Variants in NDUFA10 observed in about 807,000 individuals in gnomAD.
NDUFA10 encodes NADH dehydrogenase [ubiquinone] 1 alpha subcomplex subunit 10, mitochondrial.
Under a neutral mutation model 47.8 loss-of-function variants are expected in NDUFA10, and 40 were observed. That is an observed-to-expected ratio of 0.84 (90% CI 0.65 to 1.09). NDUFA10 has a LOEUF of 1.09. Among genes scored for constraint, NDUFA10 ranks in the 50% least tolerant of loss-of-function variants. The probability of loss-of-function intolerance (pLI) is 0.00; values close to 1 mark genes in which losing one functional copy is unlikely to be tolerated. For synonymous variants in NDUFA10, 183 were observed against 172.2 expected, an observed-to-expected ratio of 1.06 and a Z score of -0.49; for missense variants, 413 against 451.1, an observed-to-expected ratio of 0.92 and a Z score of 0.76.
chr2:240,014,403 T>C (rs989928809), intron 5 of NDUFA10: 2 of 377,858 alleles, frequency 5.3e-6, no homozygotes, highest in African/African-American at 4.2e-5. Flanking sequence ...AAAAACCTCA[T>C]CAGAGAACAG....
rs1393649236 is a variant in NDUFA10, at chr2:239,945,478, G to A, written c.294+44596C>T. On this transcript the variant is annotated intron_variant, in intron 4 of 5. Transcript: ENST00000419408. The surrounding 1 kb of genome is among the most constrained non-coding windows in gnomAD (Gnocchi z 4.6). ...CGGGGGAAGAGCGGACACCCCAACC[G>A]GAACGCAGGCTGCACCGCGAGGCTC... is the stretch of plus-strand genomic sequence containing the variant. Among the ~76,000 whole-genome samples, 2 of 152,054 alleles carry A rather than the reference G, an allele frequency of 1.3e-5. No homozygotes were observed. The highest frequency in any genetic ancestry group is 2.4e-5 in the African/African-American group (1 of 41,394).
At position 239,989,040 on chromosome 2, in the gene NDUFA10, CA is replaced by C. The variant is rs201346695; in HGVS notation, c.999+1033del. 2.8e-3 allele frequency among the ~76,000 whole-genome samples: 426 copies of C among 151,766 alleles called. 11 individuals carry two copies. The East Asian group carries it at 0.041, about 15-fold the overall frequency. On this transcript the variant is annotated intron_variant, in intron 9 of 9. Transcript: ENST00000252711. ...ACAGATAAGGGAGAAACAGCACGCG[CA>C]CTCACACAAGTATACAAGGACAAAG...
At chr2:239,929,307 C>T (rs1449638025) in intron 4 of NDUFA10, among the ~76,000 whole-genome samples, 2 of 152,096 alleles carry the variant, frequency 1.3e-5, no homozygotes, top group Admixed American at 6.5e-5. Context: ...ACGCAGACAC[C>T]GATGACTGAG....
At chr2:239,898,406 C>T (rs1297302522) in intron 4 of NDUFA10, among the ~76,000 whole-genome samples, 1 of 152,212 alleles carries the variant, frequency 6.6e-6, no homozygotes, top group Non-Finnish European at 1.5e-5. Flanking sequence ...AAGGTGGCCC[C>T]GAGGGAGCTG....
intron 4 of NDUFA10, among the ~76,000 whole-genome samples, chr2:239,926,037 T>A (rs1694059695): frequency 6.6e-6 from 1 of 152,198 alleles, no homozygotes; most frequent in Non-Finnish European, 1.5e-5. Context: ...TCACACATCA[T>A]TGGTGGGAAT....
At chr2:239,943,187 CCT>C (rs1343244630) in intron 4 of NDUFA10, 1 of 154,460 alleles carries the variant, frequency 6.5e-6, no homozygotes, top group Non-Finnish European at 1.5e-5. Flanking sequence ...TGCAAGACTC[CCT>C]GTCTCCAGAT....
At chr2:239,985,426 G>A (rs897776509) in intron 9 of NDUFA10, among the ~76,000 whole-genome samples, 1 of 150,918 alleles carries the variant, frequency 6.6e-6, no homozygotes, top group Non-Finnish European at 1.5e-5. Flanking sequence ...AGGATGATTA[G>A]TAACTTGAAA....
intron 9 of NDUFA10, among the ~76,000 whole-genome samples, chr2:239,962,210 TACACACAC>T (rs59356951): frequency 3.3e-5 from 5 of 149,658 alleles, no homozygotes; most frequent in Non-Finnish European, 5.9e-5. Context: ...TCAATTTGTG[TACACACAC>T]ACACACACAC....
At chr2:239,907,689 A>G (rs1254959251) in intron 4 of NDUFA10, among the ~76,000 whole-genome samples, 2 of 152,082 alleles carry the variant, frequency 1.3e-5, no homozygotes, top group Non-Finnish European at 2.9e-5. Flanking sequence ...AATCAAAACC[A>G]CAATGAGATA....
Position 240,016,880 on chromosome 2 carries a change from C to T in NDUFA10, c.547+1673G>A, listed in dbSNP as rs1018539098. Among the ~76,000 whole-genome samples the T allele has an allele frequency of 6.6e-6, 1 of 152,170 alleles. No homozygotes were observed. Among genetic ancestry groups the T allele is most frequent in the Non-Finnish European group, 1.5e-5 (1 of 68,034 alleles). On this transcript the variant is annotated intron_variant, in intron 4 of 9. Coordinates refer to ENST00000252711, the MANE Select transcript of NDUFA10 (RefSeq NM_004544.4). The surrounding 1 kb of genome is among the most constrained non-coding windows in gnomAD (Gnocchi z 4.4). The stretch of plus-strand genomic sequence containing the variant: ...GGGAACCTCACACTCAGGAATCCAA[C>T]GCCCAAACATGAAGCCACATCGGTC...
chr2:239,979,957 C>CG (rs78753210), intron 9 of NDUFA10, among the ~76,000 whole-genome samples: 3 of 152,074 alleles, frequency 2.0e-5, no homozygotes, highest in African/African-American at 4.8e-5. Flanking sequence ...TCCTGCCTTC[C>CG]GGGGGGTGCC....
rs1693639639 is a variant in NDUFA10 at position 239,905,665 on chromosome 2, C to T, written c.295-10351G>A. 2.0e-5 allele frequency among the ~76,000 whole-genome samples: 3 copies of T among 152,110 alleles called. 1 individual carries two copies. The South Asian group carries it at 6.2e-4, about 31-fold the overall frequency. ...TCGCGTGGTCCCATCTGTTAACAGACCTGGATCCTGGACACAAGCCCCATC... is the reference window on the plus strand; with the variant it reads ...TCGCGTGGTCCCATCTGTTAACAGATCTGGATCCTGGACACAAGCCCCATC... On this transcript the variant is annotated intron_variant, in intron 4 of 5. Transcript: ENST00000419408.
At position 240,001,615 on chromosome 2, in the gene NDUFA10, G is replaced by A. The variant is rs563084192; in HGVS notation, c.890+3595C>T. ...CCTGGTTATGAAATGGTGAGTCTCT[G>A]GTATTACAACAATCATTTTCTTCTC... On this transcript the variant is annotated intron_variant, in intron 8 of 9. Coordinates refer to ENST00000252711, the MANE Select transcript of NDUFA10 (RefSeq NM_004544.4). Among the ~76,000 whole-genome samples, 8 of 151,788 alleles carry A rather than the reference G, an allele frequency of 5.3e-5. No individual in the cohort carries two copies. The South Asian group carries it at 1.7e-3, about 32-fold the overall frequency.
intron 1 of NDUFA10, 44 bp downstream of exon 1, chr2:240,025,183 C>A: frequency 1.5e-6 from 1 of 686,686 alleles, no homozygotes; most frequent in South Asian, 2.6e-5. Flanking sequence ...CGCCACCCCG[C>A]CACCCTGCCA....
downstream of NDUFA10, among the ~76,000 whole-genome samples, chr2:239,953,021 C>A (rs956382267): frequency 1.3e-5 from 2 of 152,222 alleles, no homozygotes; most frequent in Non-Finnish European, 2.9e-5. Context: ...GCCTTCTTGT[C>A]GGCCCAAGGT....
At chr2:239,925,511 A>G (rs920676193) in intron 4 of NDUFA10, among the ~76,000 whole-genome samples, 4 of 152,224 alleles carry the variant, frequency 2.6e-5, no homozygotes, top group Admixed American at 2.0e-4. Flanking sequence ...GTCTCCCTTT[A>G]TGTACAAAAA....
In NDUFA10 at chr2:240,017,718, C is replaced by G. The variant is rs1482391185; in HGVS notation, c.547+835G>C. 4 of 938,130 alleles carry G rather than the reference C, an allele frequency of 4.3e-6. No individual in the cohort carries two copies. The Admixed American group carries it at 8.1e-5, about 19-fold the overall frequency. The allele number at this position is 938,130 out of a possible 1,614,324, so 58.1% of individuals were successfully genotyped here. On this transcript the variant is annotated intron_variant, in intron 4 of 9. Transcript: ENST00000252711. ...AGCCCCTATCAGAAGCACGGGCTTG[C>G]AGTGCTCTTGCGGGCGGCAAGCTCA...
chr2:240,020,551 T>C (rs1396977926), intron 3 of NDUFA10, among the ~76,000 whole-genome samples: 5 of 152,224 alleles, frequency 3.3e-5, no homozygotes, highest in Non-Finnish European at 7.3e-5. Context: ...TCCATGTTCA[T>C]GCCCTTTCAT....
In NDUFA10 at chr2:239,936,178, C is replaced by T. The variant is rs1400343176; in HGVS notation, c.295-40864G>A. 4.6e-5 allele frequency among the ~76,000 whole-genome samples: 7 copies of T among 152,184 alleles called. No homozygotes were observed. In the South Asian group the frequency reaches 6.2e-4, roughly 13 times the overall value. On this transcript the variant is annotated intron_variant, in intron 4 of 5. Coordinates refer to the NDUFA10 transcript ENST00000419408. ...AACAGTGACTGTTGGTCAGGCCAAG[C>T]GGAGGTGTGGGCAGCAGATGCCCTG... is the stretch of plus-strand genomic sequence containing the variant.
Sources: allele counts gnomAD v4.1 joint callset (sites outside exome capture counted in the v4.1 genomes callset), GRCh38; gene constraint gnomAD v4.1.1; non-coding constraint Gnocchi (gnomAD v3.1); transcripts MANE v1.5; gene names NCBI Gene and HGNC (gene_info 2026-07-23, HGNC 2026-07-21).